Variants in ATP8A1 observed in about 807,000 individuals in gnomAD.
ATP8A1 encodes the protein ATPase phospholipid transporting 8A1.
ATP8A1 carries 90 observed loss-of-function variants against 177.7 expected under a neutral mutation model. The ratio of observed to expected loss-of-function variants is 0.51; its 90% CI spans 0.43 to 0.60. The LOEUF is 0.60. ATP8A1 is among the 20% of genes least tolerant of loss of function. The pLI is 0.00. For missense variants in ATP8A1, 1,072 were observed against 1,392.8 expected, an observed-to-expected ratio of 0.77 and a Z score of 3.67; for synonymous variants, 493 against 485.9, an observed-to-expected ratio of 1.01 and a Z score of -0.19.
At chr4:42,546,799 C>T (rs1044950837) in intron 19 of ATP8A1, among the ~76,000 whole-genome samples, 2 of 152,162 alleles carry the variant, frequency 1.3e-5, no homozygotes, top group Non-Finnish European at 2.9e-5. Context: ...CAGCAGTCTC[C>T]GACACAGATG....
At chr4:42,483,317 GAA>G (rs1442608675) in intron 25 of ATP8A1, among the ~76,000 whole-genome samples, 4 of 140,574 alleles carry the variant, frequency 2.8e-5, no homozygotes, top group African/African-American at 1.0e-4. Context: ...GTCCTTATGG[GAA>G]AAGAGAGAGT....
intron 1 of ATP8A1, among the ~76,000 whole-genome samples, chr4:42,634,318 CATA>C (rs1285505475): frequency 1.3e-5 from 2 of 152,164 alleles, no homozygotes; most frequent in African/African-American, 4.8e-5. Context: ...AAATCTGACC[CATA>C]ATGTTTTATT....
intron 36 of ATP8A1, among the ~76,000 whole-genome samples, chr4:42,414,181 G>A (rs1340984470): frequency 3.3e-5 from 5 of 152,218 alleles, no homozygotes; most frequent in Middle Eastern, 3.2e-3. Flanking sequence ...ATCTTGAAAT[G>A]TTAAGAGGGC....
intron 4 of ATP8A1, among the ~76,000 whole-genome samples, chr4:42,616,438 C>T (rs11733190): frequency 0.23 from 34,384 of 152,102 alleles, 4,352 homozygotes; most frequent in Non-Finnish European, 0.29. Context: ...TAACTCACTT[C>T]AAAAAGGAGA....
chr4:42,419,388 T>C (rs764835416), intron 35 of ATP8A1, among the ~76,000 whole-genome samples: 1 of 152,170 alleles, frequency 6.6e-6, no homozygotes, highest in Non-Finnish European at 1.5e-5. Flanking sequence ...TAGAGTAAAC[T>C]AATACTTTAT....
Position 42,580,467 on chromosome 4 carries a change from C to T in ATP8A1, c.835-489G>A, listed in dbSNP as rs867205942. 1.3e-3 allele frequency among the ~76,000 whole-genome samples: 191 copies of T among 152,208 alleles called. 1 individual carries two copies. Among genetic ancestry groups the T allele is most frequent in the African/African-American group, 4.1e-3 (169 of 41,518 alleles). On this transcript the variant is annotated intron_variant, in intron 10 of 36. Transcript: ENST00000381668. Reference sequence around the variant, plus strand: ...GGCATTTAGCAATTGTTTTACTGAACGCAGCAACAATTTAAGTAGTCCTGG... The same window carrying T: ...GGCATTTAGCAATTGTTTTACTGAATGCAGCAACAATTTAAGTAGTCCTGG...
intron 25 of ATP8A1, among the ~76,000 whole-genome samples, chr4:42,467,650 G>A (rs1719937064): frequency 1.3e-5 from 2 of 152,138 alleles, no homozygotes; most frequent in African/African-American, 2.4e-5. Flanking sequence ...CTGAGATGGC[G>A]CCACTGCACT....
At chr4:42,505,944 G>A (rs1182758100) in intron 23 of ATP8A1, among the ~76,000 whole-genome samples, 1 of 151,132 alleles carries the variant, frequency 6.6e-6, no homozygotes, top group Non-Finnish European at 1.5e-5. Context: ...TTCTTTTTTG[G>A]CATATTGCTG....
rs944934096 is a variant in ATP8A1, at chr4:42,455,226, C to T, written c.2817+71G>A. ...GTGTATCCTTGGCCTTTGAAAACCACATACCCCATATAATGAGGGCAGTAA... is the reference window on the plus strand; with the variant it reads ...GTGTATCCTTGGCCTTTGAAAACCATATACCCCATATAATGAGGGCAGTAA... On this transcript the variant is annotated intron_variant, in intron 29 of 36. Transcript: ENST00000381668. The T allele has an allele frequency of 2.1e-5, 33 of 1,579,506 alleles. No individual in the cohort carries two copies. In the Admixed American group the frequency reaches 5.3e-4, roughly 25 times the overall value.
intron 33 of ATP8A1, among the ~76,000 whole-genome samples, chr4:42,429,598 A>C (rs558375165): frequency 1.3e-5 from 2 of 152,302 alleles, no homozygotes; most frequent in Admixed American, 6.5e-5. Context: ...AAAATCCTCA[A>C]GTCATCTTTG....
At chr4:42,484,001 G>A (rs1394550360) in intron 25 of ATP8A1, among the ~76,000 whole-genome samples, 2 of 152,238 alleles carry the variant, frequency 1.3e-5, no homozygotes, top group East Asian at 3.9e-4. Flanking sequence ...TTCCAACTAG[G>A]AGCCAGCAAT....
chr4:42,474,662 T>C (rs1720853514), intron 25 of ATP8A1, among the ~76,000 whole-genome samples: 1 of 151,938 alleles, frequency 6.6e-6, no homozygotes, highest in Non-Finnish European at 1.5e-5. Context: ...TCCATCAGAG[T>C]GCAGCTGCCT....
chr4:42,445,688 A>C (rs1473442330), intron 31 of ATP8A1, among the ~76,000 whole-genome samples: 1 of 152,222 alleles, frequency 6.6e-6, no homozygotes, highest in African/African-American at 2.4e-5. Flanking sequence ...AGAACAGTTG[A>C]GCTTTCTCAG....
chr4:42,656,926 C>G lies in ATP8A1; in HGVS notation c.-53G>C, dbSNP rs1741700073. On this transcript the variant is annotated 5_prime_UTR_variant, in exon 1 of 37. Coordinates refer to ENST00000381668, the MANE Select transcript of ATP8A1 (RefSeq NM_006095.2). ...AGCCCGGACTCTGCACCTGTCACGGCGTGGTACACGCGGGAGACCCGGCTG... is the reference window on the plus strand; with the variant it reads ...AGCCCGGACTCTGCACCTGTCACGGGGTGGTACACGCGGGAGACCCGGCTG... The G allele has an allele frequency of 1.4e-6, 2 of 1,477,770 alleles. No homozygotes were observed. Among genetic ancestry groups the G allele is most frequent in the Non-Finnish European group, 9.1e-7 (1 of 1,101,738 alleles). 91.5% of individuals were successfully genotyped at this position (1,477,770 alleles called of 1,614,324 possible).
At chr4:42,474,693 G>T (rs1329226179) in intron 25 of ATP8A1, among the ~76,000 whole-genome samples, 1 of 152,148 alleles carries the variant, frequency 6.6e-6, no homozygotes, top group Admixed American at 6.5e-5. Context: ...GAGAGCTCAG[G>T]TAAAGGCACT....
At chr4:42,606,878 C>T (rs1193021867) in intron 5 of ATP8A1, among the ~76,000 whole-genome samples, 1 of 152,196 alleles carries the variant, frequency 6.6e-6, no homozygotes, top group Non-Finnish European at 1.5e-5. Flanking sequence ...TAAGAATCTA[C>T]AGCACTCCAT....
chr4:42,644,889 GA>G (rs948291677), intron 1 of ATP8A1, among the ~76,000 whole-genome samples: 175 of 144,334 alleles, frequency 1.2e-3, no homozygotes, highest in Middle Eastern at 3.7e-3. Flanking sequence ...TATACTCCTT[GA>G]AAAAAAAAAA....
intron 1 of ATP8A1, among the ~76,000 whole-genome samples, chr4:42,642,658 G>A (rs1334219628): frequency 2.6e-5 from 4 of 152,136 alleles, no homozygotes; most frequent in African/African-American, 4.8e-5. Context: ...AAAACGATGC[G>A]AGGGTGGATG....
At chr4:42,494,230 T>C (rs1257167455) in intron 24 of ATP8A1, among the ~76,000 whole-genome samples, 1 of 148,232 alleles carries the variant, frequency 6.7e-6, no homozygotes, top group African/African-American at 2.5e-5. Context: ...CCCAGCACTT[T>C]GGGAGGCCGA....
Sources: allele counts gnomAD v4.1 joint callset (sites outside exome capture counted in the v4.1 genomes callset), GRCh38; gene constraint gnomAD v4.1.1; transcripts MANE v1.5; gene names NCBI Gene and HGNC (gene_info 2026-07-23, HGNC 2026-07-21).